The following MICALL1 variants were observed in gnomAD, a reference collection of about 807,000 sequenced individuals.
The protein encoded by MICALL1 is MICAL like 1.
MICALL1 carries 61 observed loss-of-function variants against 83.7 expected under a neutral mutation model. The observed-to-expected ratio is 0.73, with a 90% CI of 0.59 to 0.90. The LOEUF (loss-of-function observed/expected upper bound fraction) is 0.90. Ranked by LOEUF, MICALL1 falls within the 40% of genes least tolerant of loss-of-function variation. The probability of loss-of-function intolerance (pLI) is 0.00; values close to 1 mark genes in which losing one functional copy is unlikely to be tolerated. For missense variants in MICALL1, 1,066 were observed against 1,152.0 expected (o/e 0.93, Z 1.08); for synonymous variants, 481 against 473.6 (o/e 1.02, Z -0.20).
At position 37,909,047 on chromosome 22, in the gene MICALL1, G is replaced by GT. The variant is rs141094921; in HGVS notation, c.146+2487dup. ...TAGGGGCCTCAGGGAACCATGCAGGGTTTTTTTTGTTTTTGTTTTTGTTTT... is the reference window on the plus strand; with the variant it reads ...TAGGGGCCTCAGGGAACCATGCAGGGTTTTTTTTTGTTTTTGTTTTTGTTTT... On this transcript the variant is annotated intron_variant, in intron 1 of 15. Transcript: ENST00000215957. 4.4e-3 allele frequency among the ~76,000 whole-genome samples: 664 copies of GT among 150,324 alleles called. 6 individuals are homozygous for GT. Among genetic ancestry groups the GT allele is most frequent in the African/African-American group, 0.016 (641 of 39,848 alleles).
intron 5 of MICALL1, among the ~76,000 whole-genome samples, chr22:37,919,635 C>CAAA (rs34083064): frequency 1.2e-3 from 71 of 59,530 alleles, no homozygotes; most frequent in Middle Eastern, 8.8e-3. Flanking sequence ...GACTCTGTCT[C>CAAA]AAAAAAAAAA....
chr22:37,922,611 T>A (rs1296529659), intron 6 of MICALL1, among the ~76,000 whole-genome samples, 185 bp downstream of exon 6: 29 of 102,758 alleles, frequency 2.8e-4, no homozygotes, highest in African/African-American at 9.8e-4. Flanking sequence ...ATTTTTTTTT[T>A]TTTTTTTTTT....
At chr22:37,931,472 T>C (rs1161184035) in intron 9 of MICALL1, among the ~76,000 whole-genome samples, 3 of 152,108 alleles carry the variant, frequency 2.0e-5, no homozygotes, top group African/African-American at 7.2e-5. Flanking sequence ...GAGGATTGCT[T>C]GAGCCCCAGG....
At position 37,925,862 on chromosome 22, in the gene MICALL1, G is replaced by C; in HGVS notation, c.1284G>C (p.Glu428Asp). 1 of 1,612,894 alleles carries C rather than the reference G, an allele frequency of 6.2e-7. No individual in the cohort carries two copies. Among genetic ancestry groups the C allele is most frequent in the Non-Finnish European group, 8.5e-7 (1 of 1,179,316 alleles). ...SLESKPYNPF[E>D]EEEEDKEEEA... is the part of the protein sequence containing the mutation. ...AGTCCAAACCCTATAACCCCTTTGA[G>C]GAGGAGGAGGAGGACAAGGAGGAAG... The change falls in exon 8 of 16, where the codon GAG (glutamate) becomes GAC (aspartate). Residue 428 changes from glutamate to aspartate, a missense_variant. Transcript: ENST00000215957.
chr22:37,916,219 C>T (rs1315497268), intron 3 of MICALL1, among the ~76,000 whole-genome samples: 1 of 152,182 alleles, frequency 6.6e-6, no homozygotes, highest in Non-Finnish European at 1.5e-5. Flanking sequence ...TGGGCACTCC[C>T]TCGCCCTGCA....
chr22:37,928,555 TG>T (rs1486549438), intron 9 of MICALL1, among the ~76,000 whole-genome samples: 1 of 152,204 alleles, frequency 6.6e-6, no homozygotes, highest in African/African-American at 2.4e-5. Flanking sequence ...TGAGTGGCCT[TG>T]GCCAGTCTAT....
chr22:37,936,963 C>A, intron 13 of MICALL1, 117 bp from the exon 14 acceptor site: 4 of 749,694 alleles, frequency 5.3e-6, no homozygotes, highest in Non-Finnish European at 8.7e-6. Flanking sequence ...CGCTTAGTTT[C>A]TTGCATGGTA....
In MICALL1 at chr22:37,923,741, G is replaced by A. The variant is rs140768563; in HGVS notation, c.1025-919G>A. Among the ~76,000 whole-genome samples, 524 of 152,296 alleles carry A rather than the reference G, an allele frequency of 3.4e-3. 4 individuals carry two copies. Among genetic ancestry groups the A allele is most frequent in the African/African-American group, 0.012 (478 of 41,554 alleles). On this transcript the variant is annotated intron_variant, in intron 6 of 15. Coordinates refer to ENST00000215957, the MANE Select transcript of MICALL1 (RefSeq NM_033386.4). ...TCTGCATGTGCCCGTGTGTCCCCGA[G>A]CTCTCTGGGACTCTGCACATTGGTG...
intron 5 of MICALL1, among the ~76,000 whole-genome samples, chr22:37,919,975 A>C (rs2145903759): frequency 6.6e-6 from 1 of 152,126 alleles, no homozygotes; most frequent in South Asian, 2.1e-4. Flanking sequence ...CGACAGAACG[A>C]GACTCTGTCT....
At chr22:37,913,668 G>T (rs1928481934) in intron 3 of MICALL1, among the ~76,000 whole-genome samples, 1 of 152,242 alleles carries the variant, frequency 6.6e-6, no homozygotes, top group South Asian at 2.1e-4. Context: ...GCAGGTAGCT[G>T]GGCCTCCCCT....
rs746382774 is a variant in MICALL1, at chr22:37,927,802, C to T, written c.1857C>T (p.Ser619=). ...GGAGCCCGGTGCCTTCCCCTGGAAG[C>T]TCGTCCCCACAGCTGCAGGTAAAGG... ...GDRSPVPSPG[S]SSPQLQVKSS... is the part of the protein sequence containing the mutation. Residue 619 remains serine, a synonymous_variant, in exon 9 of 16, where the codon AGC becomes AGT. Transcript: ENST00000215957. 104 of 1,609,902 alleles carry T rather than the reference C, an allele frequency of 6.5e-5. No individual in the cohort carries two copies. The highest frequency in any genetic ancestry group is 8.6e-5 in the Non-Finnish European group (101 of 1,177,602).
chr22:37,919,432 G>C (rs2145902101), intron 5 of MICALL1, among the ~76,000 whole-genome samples: 1 of 152,164 alleles, frequency 6.6e-6, no homozygotes, highest in East Asian at 1.9e-4. Flanking sequence ...ATAACTACTG[G>C]ATGAGGATGA....
chr22:37,909,156 G>T (rs984249117), intron 1 of MICALL1, among the ~76,000 whole-genome samples: 1 of 151,614 alleles, frequency 6.6e-6, no homozygotes, highest in South Asian at 2.1e-4. Flanking sequence ...GGATTCAAGC[G>T]ATTCTCCTGC....
intron 15 of MICALL1, among the ~76,000 whole-genome samples, chr22:37,939,649 G>T (rs969654338): frequency 6.6e-6 from 1 of 151,902 alleles, no homozygotes; most frequent in African/African-American, 2.4e-5. Context: ...CAGCGCTTGC[G>T]TGTAATCCCA....
intron 13 of MICALL1, 82 bp from the exon 14 acceptor site, chr22:37,936,998 A>G: frequency 8.4e-7 from 1 of 1,193,382 alleles, no homozygotes. Context: ...GGCCTGCCGC[A>G]CTTAGGCAGT....
At chr22:37,914,205 A>G (rs1027183952) in intron 3 of MICALL1, among the ~76,000 whole-genome samples, 4 of 146,396 alleles carry the variant, frequency 2.7e-5, no homozygotes, top group Admixed American at 6.9e-5. Context: ...TGTTTTATGA[A>G]GTCAGAGGTT....
At chr22:37,922,471 A>G (rs1177150658) in intron 6 of MICALL1, 45 bp downstream of exon 6, 11 of 1,404,018 alleles carry the variant, frequency 7.8e-6, no homozygotes, top group Admixed American at 2.5e-5. Flanking sequence ...GTGGCAGTGC[A>G]CTGTCTATTG....
chr22:37,937,984 G>A (rs1042935473), intron 15 of MICALL1, among the ~76,000 whole-genome samples, 192 bp downstream of exon 15: 1 of 152,204 alleles, frequency 6.6e-6, no homozygotes, highest in Non-Finnish European at 1.5e-5. Context: ...GAAGGCTGTG[G>A]CTTAGGCTTG....
chr22:37,908,100 CCT>C (rs1391649104), intron 1 of MICALL1, among the ~76,000 whole-genome samples: 5 of 152,010 alleles, frequency 3.3e-5, no homozygotes, highest in African/African-American at 1.2e-4. Context: ...ATAAAGGCCG[CCT>C]GGTTTGTGTT....
Sources: allele counts gnomAD v4.1 joint callset (sites outside exome capture counted in the v4.1 genomes callset), GRCh38; gene constraint gnomAD v4.1.1; transcripts MANE v1.5; gene names NCBI Gene and HGNC (gene_info 2026-07-23, HGNC 2026-07-21).